The following DYNC2H1 variants were observed in gnomAD, a reference collection of about 807,000 sequenced individuals.
DYNC2H1 encodes the protein dynein cytoplasmic 2 heavy chain 1.
In DYNC2H1, 410 loss-of-function variants were observed where a neutral mutation model predicts 570.0. The ratio of observed to expected loss-of-function variants is 0.72; its 90% confidence interval spans 0.66 to 0.78. The LOEUF is 0.78. Ranked by LOEUF, DYNC2H1 falls within the 30% of genes least tolerant of loss-of-function variation. DYNC2H1 has a pLI of 0.00. For synonymous variants in DYNC2H1, 1,688 were observed against 1,677.6 expected (o/e 1.01, Z -0.15); for missense variants, 4,865 against 5,046.4 (o/e 0.96, Z 1.09).
intron 34 of DYNC2H1, among the ~76,000 whole-genome samples, chr11:103,172,091 T>C (rs1201390558): frequency 6.6e-6 from 1 of 152,204 alleles, no homozygotes; most frequent in East Asian, 1.9e-4. Context: ...CATAGTTTTC[T>C]AGGTAGCCCA....
chr11:103,364,909 T>A (rs1252326792), intron 83 of DYNC2H1, among the ~76,000 whole-genome samples: 2 of 152,206 alleles, frequency 1.3e-5, no homozygotes, highest in Non-Finnish European at 2.9e-5. Flanking sequence ...TGCTTCTTAC[T>A]TCAGGGAGCA....
chr11:103,378,139 G>T (rs1039338365), intron 83 of DYNC2H1, among the ~76,000 whole-genome samples: 2 of 151,886 alleles, frequency 1.3e-5, no homozygotes, highest in Non-Finnish European at 2.9e-5. Context: ...AAAAATTTAT[G>T]ATCCAAATAT....
intron 30 of DYNC2H1, among the ~76,000 whole-genome samples, chr11:103,164,393 A>G (rs1861215646): frequency 1.3e-5 from 2 of 152,248 alleles, no homozygotes; most frequent in South Asian, 4.1e-4. Flanking sequence ...CTAGTTTATT[A>G]GCATTTAATG....
rs551144292 is a variant in DYNC2H1, at chr11:103,400,914, C to T, written c.12366+1042C>T. On this transcript the variant is annotated intron_variant, in intron 84 of 88. Coordinates refer to ENST00000375735, the MANE Select transcript of DYNC2H1 (RefSeq NM_001377.3). Reference sequence around the variant, plus strand: ...TGTTTTTTCTTTGTACATACATTGCCGTCTCTGTTAATCAACCATGATTAT... The same window carrying T: ...TGTTTTTTCTTTGTACATACATTGCTGTCTCTGTTAATCAACCATGATTAT... Among the ~76,000 whole-genome samples, 114 of 152,090 alleles carry T rather than the reference C, an allele frequency of 7.5e-4. 2 individuals carry two copies. The highest frequency in any genetic ancestry group is 1.3e-3 in the Admixed American group (20 of 15,288).
intron 88 of DYNC2H1, among the ~76,000 whole-genome samples, chr11:103,477,793 T>G (rs1446427305): frequency 8.2e-6 from 1 of 122,014 alleles, no homozygotes; most frequent in East Asian, 2.5e-4. Context: ...ATTACGCCAC[T>G]GCACTCCAGC....
intron 84 of DYNC2H1, among the ~76,000 whole-genome samples, chr11:103,423,857 A>T (rs1370362385): frequency 4.6e-5 from 7 of 152,096 alleles, no homozygotes; most frequent in African/African-American, 1.4e-4. Flanking sequence ...CAATGAGAAT[A>T]TCAATATATA....
chr11:103,443,616 A>G (rs913049020), intron 85 of DYNC2H1, among the ~76,000 whole-genome samples: 2 of 151,758 alleles, frequency 1.3e-5, no homozygotes, highest in African/African-American at 4.8e-5. Context: ...CTTTTACTTC[A>G]TCTCCTGAAA....
chr11:103,155,623 T>A, intron 25 of DYNC2H1, 122 bp downstream of exon 25: 1 of 941,296 alleles, frequency 1.1e-6, no homozygotes, highest in Non-Finnish European at 1.5e-6. Context: ...CATCAAAAAG[T>A]AAACAAACAC....
rs1358660332 is a variant in DYNC2H1 at position 103,181,556 on chromosome 11, A to G, written c.6348-201A>G. On this transcript the variant is annotated intron_variant, in intron 39 of 88. Coordinates refer to ENST00000375735, the MANE Select transcript of DYNC2H1 (RefSeq NM_001377.3). The surrounding 1 kb of genome is among the most constrained non-coding windows in gnomAD (Gnocchi z 5.0). ...TATACCTATATGCATGTGTGTTTGT[A>G]TATATTATGTGTATGTATACACACA... Among the ~76,000 whole-genome samples, 1 of 151,678 alleles carries G rather than the reference A, an allele frequency of 6.6e-6. No individual in the cohort carries two copies. Among genetic ancestry groups the G allele is most frequent in the Non-Finnish European group, 1.5e-5 (1 of 67,720 alleles).
chr11:103,222,388 T>C (rs942130759), intron 58 of DYNC2H1, among the ~76,000 whole-genome samples: 1 of 152,170 alleles, frequency 6.6e-6, no homozygotes. Context: ...GTATCTGCTG[T>C]TAATGTTCTC....
rs1859427578 is a variant in DYNC2H1, at chr11:103,134,343, A to G, written c.2129A>G (p.Asp710Gly). Reference protein sequence around the residue: ...CEKVVVLMNIDLLRQQQRWKD... With the variant: ...CEKVVVLMNIGLLRQQQRWKD... Reference sequence around the variant, plus strand: ...TAGGTGGTTGTTCTTATGAATATTGATCTGCTTCGGCAGCAACAGCGCTGG... The same window carrying G: ...TAGGTGGTTGTTCTTATGAATATTGGTCTGCTTCGGCAGCAACAGCGCTGG... The change falls in exon 15 of 89, where the codon GAT becomes GGT. Residue 710 changes from aspartate (D) to glycine (G), a missense_variant. Coordinates refer to ENST00000375735, the MANE Select transcript of DYNC2H1 (RefSeq NM_001377.3). 2 of 1,612,970 alleles carry G rather than the reference A, an allele frequency of 1.2e-6. No homozygotes were observed. The highest frequency in any genetic ancestry group is 1.7e-6 in the Non-Finnish European group (2 of 1,179,204).
chr11:103,184,864 T>C (rs1196219679), intron 40 of DYNC2H1, 32 bp from the exon 41 acceptor site: 13 of 1,607,890 alleles, frequency 8.1e-6, no homozygotes, highest in African/African-American at 1.3e-5. Flanking sequence ...AGTTGCCTTT[T>C]GTCTGTTTGT....
At chr11:103,348,915 C>G (rs781633320) in intron 82 of DYNC2H1, among the ~76,000 whole-genome samples, 2 of 152,106 alleles carry the variant, frequency 1.3e-5, no homozygotes, top group Non-Finnish European at 2.9e-5. Flanking sequence ...GGCTTTCCCC[C>G]ACATTGCTCT....
chr11:103,430,429 C>G (rs192466976), intron 84 of DYNC2H1, among the ~76,000 whole-genome samples: 2 of 152,110 alleles, frequency 1.3e-5, no homozygotes, highest in East Asian at 3.9e-4. Flanking sequence ...CCTTCTTTTT[C>G]TCATTTTCAC....
At chr11:103,476,206 G>A (rs1263641285) in intron 88 of DYNC2H1, among the ~76,000 whole-genome samples, 2 of 152,150 alleles carry the variant, frequency 1.3e-5, no homozygotes, top group African/African-American at 4.8e-5. Flanking sequence ...AGATTAGTCA[G>A]TGACTGATAA....
chr11:103,318,894 C>T (rs960869726), intron 80 of DYNC2H1, among the ~76,000 whole-genome samples: 2 of 152,052 alleles, frequency 1.3e-5, no homozygotes, highest in Non-Finnish European at 2.9e-5. Context: ...ACCTATGACC[C>T]AACATTCCCC....
At chr11:103,432,005 C>G (rs617658) in intron 84 of DYNC2H1, among the ~76,000 whole-genome samples, 36,156 of 151,880 alleles carry the variant, frequency 0.24, 5,071 homozygotes, top group East Asian at 0.43. Flanking sequence ...AATAGTTAAG[C>G]CAGGGTTCAG....
At chr11:103,435,757 T>C (rs1244594653) in intron 84 of DYNC2H1, among the ~76,000 whole-genome samples, 186 bp from the exon 85 acceptor site, 1 of 152,170 alleles carries the variant, frequency 6.6e-6, no homozygotes, top group African/African-American at 2.4e-5. Context: ...ACTTGTACTT[T>C]CCTTCCTTTT....
At chr11:103,191,824 A>G (rs1862326852) in intron 46 of DYNC2H1, among the ~76,000 whole-genome samples, 1 of 151,994 alleles carries the variant, frequency 6.6e-6, no homozygotes, top group African/African-American at 2.4e-5. Flanking sequence ...GAAAAATGAA[A>G]TCATTATATT....
Sources: gnomAD v4.1 joint callset for allele counts (sites outside exome capture counted in the v4.1 genomes callset) on GRCh38, gnomAD v4.1.1 for gene constraint, Gnocchi (gnomAD v3.1) non-coding constraint, MANE v1.5 for transcripts, NCBI Gene and HGNC (gene_info 2026-07-23, HGNC 2026-07-21) for gene names.